The following LRRC56 variants were observed in gnomAD, a reference collection of about 807,000 sequenced individuals.
LRRC56 encodes the protein leucine-rich repeat-containing protein 56.
LRRC56 carries 41 observed loss-of-function variants against 47.8 expected under a neutral mutation model. The observed-to-expected ratio is 0.86, with a 90% CI of 0.67 to 1.11. The LOEUF (loss-of-function observed/expected upper bound fraction) is 1.11, where lower values mean the gene tolerates loss of function less well. Among genes scored for constraint, LRRC56 ranks in the 50% most tolerant of loss-of-function variants. The probability of loss-of-function intolerance (pLI) is 0.00; values close to 1 mark genes in which losing one functional copy is unlikely to be tolerated. For missense variants in LRRC56, 759 were observed against 704.2 expected, an observed-to-expected ratio of 1.08 and a Z score of -0.88; for synonymous variants, 387 against 311.2, an observed-to-expected ratio of 1.24 and a Z score of -2.56.
upstream of LRRC56, chr11:535,588 G>T (rs1851449472): frequency 6.6e-6 from 1 of 150,538 alleles, no homozygotes; most frequent in African/African-American, 2.4e-5. Context: ...CGCACGCCCC[G>T]CCCCGCGCCC....
intron 3 of LRRC56, 21 bp downstream of exon 3, chr11:539,747 C>G (rs910967991): frequency 6.6e-6 from 1 of 152,308 alleles, no homozygotes; most frequent in East Asian, 1.9e-4. Context: ...TGCACGTAGT[C>G]GAGGGACACA....
Position 554,908 on chromosome 11 carries a change from G to C in LRRC56, c.*632G>C. The C allele has an allele frequency of 9.1e-7, 1 of 1,102,294 alleles. No homozygotes were observed. The highest frequency in any genetic ancestry group is 1.2e-6 in the Non-Finnish European group (1 of 808,570). The allele number at this position is 1,102,294 out of a possible 1,614,324, so 68.3% of individuals were successfully genotyped here. On this transcript the variant is annotated 3_prime_UTR_variant, in exon 14 of 14. Coordinates refer to ENST00000270115, the MANE Select transcript of LRRC56 (RefSeq NM_198075.4). ...CCACGTTGGTTCAATAAATGATGCA[G>C]CGGACACAGCCCGCCCAGCCCCGGC...
the LRRC56 span, chr11:528,952 G>C: frequency 1.2e-3 from 176 of 152,462 alleles, no homozygotes; most frequent in Admixed American, 1.8e-3. Context: ...CCGGAGGTGA[G>C]AGGTGGGTCT....
At chr11:509,709 G>T in the LRRC56 span, among the ~76,000 whole-genome samples, 1 of 147,792 alleles carries the variant, frequency 6.8e-6, no homozygotes, top group South Asian at 2.1e-4. Flanking sequence ...CACCACGCCC[G>T]GCTAATTTTT....
chr11:540,856 C>A lies in LRRC56; in HGVS notation c.172C>A (p.Arg58=). Residue 58 remains arginine, a synonymous_variant, in exon 4 of 14, where the codon CGG becomes AGG. Transcript: ENST00000270115. ...GGTGGAAGAGTACCTGTCCCCTGCCCGGCTGGTGAGTGTGGGCGCTGGGGG... is the reference window on the plus strand; with the variant it reads ...GGTGGAAGAGTACCTGTCCCCTGCCAGGCTGGTGAGTGTGGGCGCTGGGGG... The part of the protein sequence containing the change: ...QLVEEYLSPA[R]LQALARVDDL... 1 of 1,556,306 alleles carries A rather than the reference C, an allele frequency of 6.4e-7. No individual in the cohort carries two copies. The highest frequency in any genetic ancestry group is 8.7e-7 in the Non-Finnish European group (1 of 1,149,892).
At chr11:518,371 C>T in the LRRC56 span, among the ~76,000 whole-genome samples, 9 of 152,114 alleles carry the variant, frequency 5.9e-5, no homozygotes, top group African/African-American at 1.7e-4. Context: ...CTGGTAGAGA[C>T]GGGGTTTCAT....
chr11:514,650 G>C, the LRRC56 span, among the ~76,000 whole-genome samples: 8 of 152,024 alleles, frequency 5.3e-5, no homozygotes, highest in Non-Finnish European at 1.0e-4. Flanking sequence ...CAGTTGGGGA[G>C]GGAGTGAGGA....
chr11:532,408 C>G, the LRRC56 span: 3 of 643,596 alleles, frequency 4.7e-6, no homozygotes, highest in African/African-American at 1.8e-5. Flanking sequence ...CCCACGGTCC[C>G]GGGGTGACTG....
rs894243744 is a variant in LRRC56, at chr11:540,958, C to T, written c.177+97C>T. 8.5e-6 allele frequency: 9 copies of T among 1,056,022 alleles called. No individual in the cohort carries two copies. In the African/African-American group the frequency reaches 1.5e-4, roughly 17 times the overall value. 65.4% of individuals were successfully genotyped at this position (1,056,022 alleles called of 1,614,324 possible). A position where few individuals can be genotyped will look rare whatever the true frequency, so the allele number is the denominator to read the frequency against. ...GATGGTCCAGCCTGCCCTCTGTCCCCCTCCTGCTGGTCTTGCCTGCTGATG... is the reference window on the plus strand; with the variant it reads ...GATGGTCCAGCCTGCCCTCTGTCCCTCTCCTGCTGGTCTTGCCTGCTGATG... On this transcript the variant is annotated intron_variant, in intron 4 of 13. Transcript: ENST00000270115.
intron 11 of LRRC56, 46 bp downstream of exon 11, chr11:552,013 G>A (rs1469869192): frequency 6.2e-7 from 1 of 1,610,294 alleles, no homozygotes; most frequent in Non-Finnish European, 8.5e-7. Context: ...AGTGTCCAGG[G>A]TTGCGGCCCT....
At chr11:525,878 C>T in the LRRC56 span, among the ~76,000 whole-genome samples, 1 of 152,082 alleles carries the variant, frequency 6.6e-6, no homozygotes, top group Non-Finnish European at 1.5e-5. Context: ...GCCTGGGGGA[C>T]AGAGCCAGAC....
At position 545,856 on chromosome 11, in the gene LRRC56, G is replaced by C. The variant is rs192257069; in HGVS notation, c.326+1076G>C. Among the ~76,000 whole-genome samples the C allele has an allele frequency of 3.5e-3, 528 of 152,352 alleles. 5 individuals carry two copies. Among genetic ancestry groups the C allele is most frequent in the Middle Eastern group, 3.4e-3 (1 of 294 alleles). The stretch of plus-strand genomic sequence containing the variant: ...GAATTCTAGAACATTCTCCAGCTGT[G>C]TGAATTGGGCTCCAAGGGCCACATC... On this transcript the variant is annotated intron_variant, in intron 6 of 13. Coordinates refer to ENST00000270115, the MANE Select transcript of LRRC56 (RefSeq NM_198075.4).
chr11:528,407 G>A, the LRRC56 span: 1 of 152,206 alleles, frequency 6.6e-6, no homozygotes, highest in Non-Finnish European at 1.5e-5. Flanking sequence ...TCAATCAGTG[G>A]GACCTGGTCA....
At chr11:528,427 TAGGGGACCTCAGGC>T in the LRRC56 span, 1 of 152,150 alleles carries the variant, frequency 6.6e-6, no homozygotes, top group Non-Finnish European at 1.5e-5. Context: ...AGCTGGCTGC[TAGGGGACCTCAGGC>T]AGGGGGGCTT....
At chr11:549,428 G>GCCACCTC (rs1353642011) in intron 6 of LRRC56, among the ~76,000 whole-genome samples, 1 of 152,148 alleles carries the variant, frequency 6.6e-6, no homozygotes, top group African/African-American at 2.4e-5. Flanking sequence ...CTGACCCACC[G>GCCACCTC]CCACCTCCAG....
chr11:520,230 C>T, the LRRC56 span, among the ~76,000 whole-genome samples: 2 of 60,116 alleles, frequency 3.3e-5, no homozygotes, highest in East Asian at 9.7e-4. Flanking sequence ...TATTAGAACG[C>T]GGCCTGATAC....
chr11:532,339 T>G, the LRRC56 span: 1 of 525,340 alleles, frequency 1.9e-6, no homozygotes, highest in Non-Finnish European at 3.5e-6. Context: ...CCGGTGGCAT[T>G]TGGGATGTTC....
At chr11:507,174 T>C in the LRRC56 span, 1 of 152,166 alleles carries the variant, frequency 6.6e-6, no homozygotes, top group South Asian at 2.1e-4. Flanking sequence ...CCTACTTCGT[T>C]CTCGAGCCAG....
At position 549,957 on chromosome 11, in the gene LRRC56, C is replaced by G. The variant is rs61747450; in HGVS notation, c.382C>G (p.Leu128Val). ...GGTGCTGTGGCTGGCTCGCTGTGGC[C>G]TCGCTGACCTGGATGGCATCGCCTC... ...LQVLWLARCG[L>V]ADLDGIASLP... The change falls in exon 7 of 14, where the codon CTC (leucine) becomes GTC (valine). Residue 128 changes from leucine to valine, a missense_variant. By Grantham distance (32) the Leu-to-Val change is conservative. Coordinates refer to ENST00000270115, the MANE Select transcript of LRRC56 (RefSeq NM_198075.4). The G allele has an allele frequency of 2.2e-3, 3,578 of 1,612,740 alleles. 65 individuals are homozygous for G. The African/African-American group carries it at 0.043, about 19-fold the overall frequency.
Sources: gnomAD v4.1 joint callset for allele counts (sites outside exome capture counted in the v4.1 genomes callset) on GRCh38, gnomAD v4.1.1 for gene constraint, MANE v1.5 for transcripts, NCBI Gene and HGNC (gene_info 2026-07-23, HGNC 2026-07-21) for gene names.